The following TPM3 variants were observed in gnomAD, a reference collection of about 807,000 sequenced individuals.
The protein encoded by TPM3 is tropomyosin 3.
A neutral mutation model predicts 43.1 loss-of-function variants in TPM3; 16 were observed. That is an observed-to-expected ratio of 0.37 (90% CI 0.25 to 0.56). The LOEUF is 0.56. Ranked by LOEUF, TPM3 falls within the 20% of genes least tolerant of loss-of-function variation. The pLI is 0.77. For missense variants in TPM3, 176 were observed against 337.2 expected (o/e 0.52, Z 3.74); for synonymous variants, 101 against 116.9 (o/e 0.86, Z 0.88).
At chr1:154,180,471 T>C (rs775208911) in intron 2 of TPM3, among the ~76,000 whole-genome samples, 2 of 152,182 alleles carry the variant, frequency 1.3e-5, no homozygotes, top group Non-Finnish European at 2.9e-5. Flanking sequence ...AGTCAAAAGA[T>C]TAAGCTTCTT....
At position 154,167,873 on chromosome 1, in the gene TPM3, T is replaced by G. The variant is rs1299909920; in HGVS notation, c.*64A>C. 4.2e-5 allele frequency: 67 copies of G among 1,613,486 alleles called. No homozygotes were observed. Among genetic ancestry groups the G allele is most frequent in the Non-Finnish European group, 5.5e-5 (65 of 1,179,796 alleles). Reference sequence around the variant, plus strand: ...ACCCAAATGGAATCCAGAGCGAGAGTGGGGCCTTGGGTTCCCCGAGGAGTA... The same window carrying G: ...ACCCAAATGGAATCCAGAGCGAGAGGGGGGCCTTGGGTTCCCCGAGGAGTA... On this transcript the variant is annotated 3_prime_UTR_variant, in exon 10 of 10. Transcript: ENST00000651641.
chr1:154,170,332 A>C, intron 8 of TPM3, 68 bp downstream of exon 8: 1 of 1,544,584 alleles, frequency 6.5e-7, no homozygotes, highest in Non-Finnish European at 8.9e-7. Context: ...ACAGAAAAAG[A>C]GATTAATGGT....
chr1:154,183,190 C>A (rs1663176031), intron 2 of TPM3: 4 of 1,592,110 alleles, frequency 2.5e-6, no homozygotes, highest in Admixed American at 3.4e-5. Context: ...CTCCTCTCAC[C>A]CTTACTTCCG....
At chr1:154,177,122 C>T (rs1662427000) in intron 2 of TPM3, among the ~76,000 whole-genome samples, 2 of 152,118 alleles carry the variant, frequency 1.3e-5, no homozygotes, top group Non-Finnish European at 2.9e-5. Flanking sequence ...GCCTTCCAGA[C>T]TGGAAAGCAA....
At position 154,183,850 on chromosome 1, in the gene TPM3, T is replaced by A. The variant is rs1296605064; in HGVS notation, c.243+7336A>T. 3.9e-5 allele frequency: 5 copies of A among 126,616 alleles called. No homozygotes were observed. In the Admixed American group the frequency reaches 4.3e-4, roughly 11 times the overall value. The allele number at this position is 126,616 out of a possible 1,614,324, so 7.8% of individuals were successfully genotyped here. A position where few individuals can be genotyped will look rare whatever the true frequency, so the allele number is the denominator to read the frequency against. ...GTGTTCTATTTAGAACAGACTTTTC[T>A]CCTTTTTTTTTTTTTTTTTTTTTTT... On this transcript the variant is annotated intron_variant, in intron 2 of 9. Coordinates refer to ENST00000651641, the MANE Select transcript of TPM3 (RefSeq NM_152263.4).
At chr1:154,183,335 A>G in intron 2 of TPM3, 3 of 1,451,150 alleles carry the variant, frequency 2.1e-6, no homozygotes, top group African/African-American at 1.4e-5. Context: ...GGATCCTCCC[A>G]GTCGCCCTGG....
chr1:154,181,837 C>T (rs1055595874), intron 2 of TPM3, among the ~76,000 whole-genome samples: 1 of 152,146 alleles, frequency 6.6e-6, no homozygotes, highest in African/African-American at 2.4e-5. Flanking sequence ...AGGAGAATCA[C>T]TTGAACCCGG....
Position 154,172,792 on chromosome 1 carries a change from T to C in TPM3, c.566+116A>G, listed in dbSNP as rs1023470313. On this transcript the variant is annotated intron_variant, in intron 5 of 9. Transcript: ENST00000651641. ...AAAAAAGCACTATAGATGACTCCCA[T>C]TCCCTAGGCCCTGTTTAACAAGGTT... 34 of 1,327,472 alleles carry C rather than the reference T, an allele frequency of 2.6e-5. No individual in the cohort carries two copies. The African/African-American group carries it at 3.8e-4, about 15-fold the overall frequency. 82.2% of individuals were successfully genotyped at this position (1,327,472 alleles called of 1,614,324 possible).
intron 2 of TPM3, among the ~76,000 whole-genome samples, chr1:154,188,447 G>A (rs1340830119): frequency 2.0e-5 from 3 of 150,988 alleles, no homozygotes; most frequent in Non-Finnish European, 2.9e-5. Flanking sequence ...AGGCCGTGGC[G>A]GGCGGATCAC....
chr1:154,166,466 C>T lies in TPM3; in HGVS notation c.*1471G>A. ...CTGACCTGCATAGCACACTACAGTG[C>T]AGAACTCCTGGGCTCAAGCAATCCT... On this transcript the variant is annotated 3_prime_UTR_variant, in exon 10 of 10. Transcript: ENST00000651641. The T allele has an allele frequency of 3.2e-6, 3 of 946,286 alleles. No homozygotes were observed. The highest frequency in any genetic ancestry group is 3.9e-6 in the Non-Finnish European group (3 of 773,346). The allele number at this position is 946,286 out of a possible 1,614,324, so 58.6% of individuals were successfully genotyped here.
At chr1:154,190,193 C>T (rs1229644453) in intron 2 of TPM3, among the ~76,000 whole-genome samples, 5 of 152,190 alleles carry the variant, frequency 3.3e-5, no homozygotes, top group African/African-American at 9.7e-5. Flanking sequence ...CCACCCGCCT[C>T]GGCCTTCCAA....
Position 154,191,330 on chromosome 1 carries a change from TCA to T in TPM3, c.118-21_118-20del, listed in dbSNP as rs762570633. ...CCTCCAGCTATAGGAGCCCAGAGAG[TCA>T]CACACAAAAACACACAAACACAACA... On this transcript the variant is annotated intron_variant, in intron 1 of 9. Transcript: ENST00000651641. 1 of 1,613,198 alleles carries T rather than the reference TCA, an allele frequency of 6.2e-7. No individual in the cohort carries two copies. Among genetic ancestry groups the T allele is most frequent in the Non-Finnish European group, 8.5e-7 (1 of 1,179,964 alleles).
chr1:154,182,933 C>T, intron 2 of TPM3: 1 of 1,608,328 alleles, frequency 6.2e-7, no homozygotes, highest in Non-Finnish European at 8.5e-7. Flanking sequence ...CCTTATTCCG[C>T]TTGCCGGATA....
At chr1:154,170,833 G>C in intron 6 of TPM3, 122 bp from the exon 7 acceptor site, 1 of 759,822 alleles carries the variant, frequency 1.3e-6, no homozygotes, top group Non-Finnish European at 2.3e-6. Flanking sequence ...TGGTCCAAGA[G>C]TAAGAGCAAG....
At chr1:154,178,309 G>T in intron 2 of TPM3, 2 of 420,364 alleles carry the variant, frequency 4.8e-6, no homozygotes, top group Non-Finnish European at 6.4e-6. Flanking sequence ...TTCTTAGCAA[G>T]GCTGAAAAGG....
chr1:154,171,214 G>T, intron 6 of TPM3, 199 bp downstream of exon 6: 1 of 658,280 alleles, frequency 1.5e-6, no homozygotes, highest in Non-Finnish European at 2.7e-6. Flanking sequence ...AGTAACCTGA[G>T]ACCAAGAAGT....
intron 2 of TPM3, 99 bp downstream of exon 2, chr1:154,191,087 G>C: frequency 6.3e-7 from 1 of 1,583,896 alleles, no homozygotes; most frequent in Non-Finnish European, 8.6e-7. Flanking sequence ...ATATGTCTGT[G>C]TTCCATGAAC....
chr1:154,174,413 C>CACA (rs1252726316), intron 3 of TPM3, among the ~76,000 whole-genome samples: 5 of 64,234 alleles, frequency 7.8e-5, no homozygotes, highest in Admixed American at 1.6e-4. Context: ...TATATACACA[C>CACA]AAAAATCCCA....
At chr1:154,159,024 C>T (rs376509539), downstream of TPM3, 7 of 780,520 alleles carry the variant, frequency 9.0e-6, no homozygotes, top group Non-Finnish European at 1.4e-5. Context: ...CAGGCGGTTT[C>T]GCTCAAGTTG....
Sources: allele counts gnomAD v4.1 joint callset (sites outside exome capture counted in the v4.1 genomes callset), GRCh38; gene constraint gnomAD v4.1.1; transcripts MANE v1.5; gene names NCBI Gene and HGNC (gene_info 2026-07-23, HGNC 2026-07-21).